NAV3: variants seen among roughly 807,000 people sequenced by gnomAD.
NAV3 encodes the protein pore membrane and/or filament interacting like protein 1.
NAV3 carries 87 observed loss-of-function variants against 244.7 expected under a neutral mutation model. The observed-to-expected ratio is 0.36, with a 90% CI of 0.30 to 0.42. The LOEUF is 0.42. Among genes scored for constraint, NAV3 ranks in the 20% least tolerant of loss-of-function variants. The pLI is 1.00. For missense variants in NAV3, 2,663 were observed against 2,893.3 expected (o/e 0.92, Z 1.83); for synonymous variants, 1,126 against 1,042.2 (o/e 1.08, Z -1.55).
At chr12:77,792,017 A>T (rs935903884) in intron 2 of NAV3, among the ~76,000 whole-genome samples, 1 of 152,198 alleles carries the variant, frequency 6.6e-6, no homozygotes, top group Admixed American at 6.5e-5. Flanking sequence ...ATTGAGTGAC[A>T]ACTGTACTTC....
chr12:77,731,465 CAT>C (rs1216169506), intron 2 of NAV3, among the ~76,000 whole-genome samples: 1 of 151,936 alleles, frequency 6.6e-6, no homozygotes, highest in Non-Finnish European at 1.5e-5. Context: ...CAGCAGGAAA[CAT>C]ATTTACCTAG....
chr12:78,051,072 A>C lies in NAV3; in HGVS notation c.2441A>C (p.Glu814Ala). The change falls in exon 11 of 40, where the codon GAG becomes GCG. Residue 814 changes from glutamate (E) to alanine (A), a missense_variant. Glu to Ala is a moderately radical substitution (Grantham distance 107). Coordinates refer to ENST00000397909, the MANE Select transcript of NAV3 (RefSeq NM_001024383.2). ...AGCAGTGACCTGGACATGTCTTCTG[A>C]GGTCGATGTGGGTGGATATATGAGT... ...KASSDLDMSS[E>A]VDVGGYMSDG... 6.2e-7 allele frequency: 1 copy of C among 1,614,104 alleles called. No homozygotes were observed. The highest frequency in any genetic ancestry group is 8.5e-7 in the Non-Finnish European group (1 of 1,180,022).
chr12:77,747,861 C>T (rs887530688), intron 2 of NAV3, among the ~76,000 whole-genome samples: 4 of 151,424 alleles, frequency 2.6e-5, no homozygotes, highest in Admixed American at 6.6e-5. Flanking sequence ...GGAAGGGGAA[C>T]ATCACACTCT....
intron 2 of NAV3, among the ~76,000 whole-genome samples, chr12:77,734,046 G>A (rs1388890168): frequency 1.3e-5 from 2 of 151,804 alleles, no homozygotes; most frequent in South Asian, 2.1e-4. Context: ...TTAGAAAAGA[G>A]AGACAAAAAG....
intron 3 of NAV3, among the ~76,000 whole-genome samples, chr12:77,951,271 A>C (rs1398649926): frequency 6.6e-6 from 1 of 152,236 alleles, no homozygotes; most frequent in Non-Finnish European, 1.5e-5. Flanking sequence ...ATATGAACAG[A>C]CACTTCTCAA....
chr12:77,883,443 G>A (rs1306782827), intron 1 of NAV3, among the ~76,000 whole-genome samples: 2 of 151,924 alleles, frequency 1.3e-5, no homozygotes, highest in African/African-American at 2.4e-5. Context: ...CTACTAGATA[G>A]GTTAGACAAA....
At chr12:77,954,423 A>C (rs1436385694) in intron 3 of NAV3, among the ~76,000 whole-genome samples, 1 of 152,210 alleles carries the variant, frequency 6.6e-6, no homozygotes, top group Non-Finnish European at 1.5e-5. Context: ...CATTGCAGAA[A>C]GACAGGTTTA....
chr12:77,694,384 A>C (rs375557697), intron 2 of NAV3, among the ~76,000 whole-genome samples: 189 of 152,000 alleles, frequency 1.2e-3, no homozygotes, highest in African/African-American at 4.4e-3. Flanking sequence ...GAGGCAGGAG[A>C]ATCACTTGAA....
intron 2 of NAV3, among the ~76,000 whole-genome samples, chr12:77,755,511 GCCTTTCCTTTCCTTTCCTTTCCTTT>G (rs747905151): frequency 1.1e-4 from 2 of 17,680 alleles, no homozygotes; most frequent in Admixed American, 5.9e-4. Context: ...CCCTCCCTGT[GCCTTTCCTTTCCTTTCCTTTCCTTT>G]CCTTTCCTTT....
At chr12:78,204,482 G>A (rs1026438483) in intron 38 of NAV3, among the ~76,000 whole-genome samples, 6 of 152,070 alleles carry the variant, frequency 3.9e-5, no homozygotes, top group Non-Finnish European at 8.8e-5. Context: ...AGTGAATTAG[G>A]CAGAGAAAAA....
chr12:78,085,304 G>GC (rs764141988), intron 12 of NAV3, among the ~76,000 whole-genome samples: 3 of 152,110 alleles, frequency 2.0e-5, no homozygotes, highest in Non-Finnish European at 2.9e-5. Flanking sequence ...GACTGAAGAA[G>GC]CAACCCCTGT....
intron 2 of NAV3, among the ~76,000 whole-genome samples, chr12:77,718,743 C>T (rs745868869): frequency 1.1e-4 from 17 of 151,946 alleles, no homozygotes; most frequent in Admixed American, 3.9e-4. Flanking sequence ...CTGCAACCTC[C>T]GCCTCCTGGG....
intron 2 of NAV3, among the ~76,000 whole-genome samples, chr12:77,822,730 A>AATC (rs1482468649): frequency 6.6e-6 from 1 of 152,200 alleles, no homozygotes; most frequent in Non-Finnish European, 1.5e-5. Flanking sequence ...TCCTGAAGAC[A>AATC]ATCTATTCAA....
At position 78,122,109 on chromosome 12, in the gene NAV3, A is replaced by C; in HGVS notation, c.3919A>C (p.Ser1307Arg). The C allele has an allele frequency of 6.2e-7, 1 of 1,614,166 alleles. No individual in the cohort carries two copies. Among genetic ancestry groups the C allele is most frequent in the African/African-American group, 1.3e-5 (1 of 75,048 alleles). Residue 1307 changes from serine (S) to arginine (R), a missense_variant, in exon 16 of 40, where the codon AGC (serine) becomes CGC (arginine). Ser to Arg is a moderately radical substitution (Grantham distance 110). Coordinates refer to ENST00000397909, the MANE Select transcript of NAV3 (RefSeq NM_001024383.2). The part of the protein sequence containing the change: ...SMGSAGGLSG[S>R]SSPLFNKPSD... ...GGGCAGTGCTGGTGGGCTAAGCGGCAGCAGCAGCCCTCTCTTCAATAAACC... is the reference window on the plus strand; with the variant it reads ...GGGCAGTGCTGGTGGGCTAAGCGGCCGCAGCAGCCCTCTCTTCAATAAACC...
At chr12:77,825,578 A>G (rs1289344133) in intron 2 of NAV3, among the ~76,000 whole-genome samples, 1 of 152,194 alleles carries the variant, frequency 6.6e-6, no homozygotes, top group Non-Finnish European at 1.5e-5. Context: ...GTCACCTACT[A>G]AGAATCCACT....
At chr12:77,598,658 G>T (rs1280199107) in intron 2 of NAV3, among the ~76,000 whole-genome samples, 1 of 151,818 alleles carries the variant, frequency 6.6e-6, no homozygotes, top group Non-Finnish European at 1.5e-5. Context: ...ATACACCCGG[G>T]AAACCATTAC....
intron 6 of NAV3, among the ~76,000 whole-genome samples, chr12:77,996,985 G>A (rs1214405194): frequency 6.6e-6 from 1 of 152,100 alleles, no homozygotes; most frequent in Non-Finnish European, 1.5e-5. Flanking sequence ...GCTCACGCCT[G>A]TAATCCCAAC....
At chr12:77,862,517 T>C (rs148345215) in intron 1 of NAV3, among the ~76,000 whole-genome samples, 106 of 151,912 alleles carry the variant, frequency 7.0e-4, no homozygotes, top group African/African-American at 2.4e-3. Context: ...AATTTGAAAG[T>C]GTTTATTTTG....
At chr12:77,990,014 AT>A (rs1871174499) in intron 5 of NAV3, among the ~76,000 whole-genome samples, 2 of 152,180 alleles carry the variant, frequency 1.3e-5, no homozygotes, top group South Asian at 4.1e-4. Flanking sequence ...CAAATCAGCT[AT>A]TCACCTCAAT....
Sources: allele counts gnomAD v4.1 joint callset (sites outside exome capture counted in the v4.1 genomes callset), GRCh38; gene constraint gnomAD v4.1.1; transcripts MANE v1.5; gene names NCBI Gene and HGNC (gene_info 2026-07-23, HGNC 2026-07-21).